L3MBTL4: variants seen among roughly 807,000 people sequenced by gnomAD.
The protein encoded by L3MBTL4 is L3MBTL histone methyl-lysine binding protein 4, also known as lethal(3)malignant brain tumor-like protein 4.
In L3MBTL4, 70 loss-of-function variants were observed where a neutral mutation model predicts 84.5. The ratio of observed to expected loss-of-function variants is 0.83; its 90% CI spans 0.68 to 1.01. The LOEUF (loss-of-function observed/expected upper bound fraction) is 1.01, where lower values mean the gene tolerates loss of function less well. L3MBTL4 is among the 50% of genes least tolerant of loss of function. The pLI, the probability that L3MBTL4 is intolerant of heterozygous loss-of-function variation, is 0.00. For missense variants in L3MBTL4, 715 were observed against 754.8 expected, an observed-to-expected ratio of 0.95 and a Z score of 0.62; for synonymous variants, 274 against 259.8, an observed-to-expected ratio of 1.05 and a Z score of -0.52.
chr18:6,217,812 T>A (rs1430941393), intron 10 of L3MBTL4, among the ~76,000 whole-genome samples: 2 of 152,210 alleles, frequency 1.3e-5, no homozygotes, highest in African/African-American at 2.4e-5. Flanking sequence ...TTATTTTTAC[T>A]AAAAATTATA....
intron 14 of L3MBTL4, among the ~76,000 whole-genome samples, chr18:6,107,017 T>C (rs2059031109): frequency 6.6e-6 from 1 of 152,236 alleles, no homozygotes; most frequent in Non-Finnish European, 1.5e-5. Flanking sequence ...ATTATGTATA[T>C]GTTTAAAAAT....
At chr18:6,030,859 A>G (rs2055762639) in intron 16 of L3MBTL4, 1 of 985,148 alleles carries the variant, frequency 1.0e-6, no homozygotes, top group Non-Finnish European at 1.2e-6. Context: ...ACATACTGAA[A>G]CTGCACTGTA....
At chr18:5,964,212 A>G (rs2052214829) in intron 17 of L3MBTL4, among the ~76,000 whole-genome samples, 1 of 152,242 alleles carries the variant, frequency 6.6e-6, no homozygotes, top group South Asian at 2.1e-4. Context: ...AGTTAATTCT[A>G]AGTATGAGAC....
At chr18:6,083,978 A>G (rs558842897) in intron 15 of L3MBTL4, among the ~76,000 whole-genome samples, 83 of 152,240 alleles carry the variant, frequency 5.5e-4, no homozygotes, top group Non-Finnish European at 9.9e-4. Flanking sequence ...TCCCCTTCAC[A>G]AGACAATACT....
intron 16 of L3MBTL4, among the ~76,000 whole-genome samples, chr18:6,013,943 G>T (rs187536538): frequency 1.3e-5 from 2 of 152,128 alleles, no homozygotes; most frequent in Non-Finnish European, 2.9e-5. Flanking sequence ...AAGTCACTCC[G>T]TTTTCTCATA....
intron 14 of L3MBTL4, among the ~76,000 whole-genome samples, chr18:6,107,393 T>G (rs1183917616): frequency 6.6e-6 from 1 of 152,080 alleles, no homozygotes; most frequent in Non-Finnish European, 1.5e-5. Context: ...TGGGAAAGTG[T>G]CTAGACAACG....
intron 16 of L3MBTL4, among the ~76,000 whole-genome samples, chr18:6,073,372 T>A (rs2146017298): frequency 6.6e-6 from 1 of 152,234 alleles, no homozygotes. Flanking sequence ...GAAGAAATTT[T>A]AAAAATCTAA....
chr18:6,252,910 A>C (rs2047985737), intron 5 of L3MBTL4, among the ~76,000 whole-genome samples: 1 of 152,226 alleles, frequency 6.6e-6, no homozygotes, highest in Non-Finnish European at 1.5e-5. Context: ...CTTAAGCCTT[A>C]AAACCCCCTG....
intron 1 of L3MBTL4, among the ~76,000 whole-genome samples, chr18:6,409,407 T>C (rs760428746): frequency 5.9e-5 from 9 of 152,324 alleles, no homozygotes; most frequent in Middle Eastern, 3.4e-3. Context: ...TACAGAACCA[T>C]TGACCCTTCA....
intron 10 of L3MBTL4, among the ~76,000 whole-genome samples, chr18:6,234,637 G>A (rs1391706706): frequency 2.6e-5 from 4 of 152,216 alleles, no homozygotes; most frequent in Non-Finnish European, 1.5e-5. Context: ...ATGCCAGTTA[G>A]AATGGCGATC....
chr18:6,031,920 C>CA, intron 16 of L3MBTL4: 1 of 786,970 alleles, frequency 1.3e-6, no homozygotes, highest in Non-Finnish European at 1.5e-6. Context: ...TGGTCACCTG[C>CA]ATTGTGTGGT....
intron 1 of L3MBTL4, among the ~76,000 whole-genome samples, chr18:6,398,399 C>A (rs1450256502): frequency 6.6e-6 from 1 of 152,096 alleles, no homozygotes; most frequent in Non-Finnish European, 1.5e-5. Context: ...GTACTGTTTG[C>A]AAGCAGGTGC....
chr18:6,230,570 C>T (rs1238032772), intron 10 of L3MBTL4, among the ~76,000 whole-genome samples: 1 of 152,082 alleles, frequency 6.6e-6, no homozygotes. Flanking sequence ...TATGGAAGAA[C>T]AATTTATATT....
At chr18:6,173,112 G>C (rs1004670992) in intron 12 of L3MBTL4, among the ~76,000 whole-genome samples, 18 of 152,130 alleles carry the variant, frequency 1.2e-4, no homozygotes, top group African/African-American at 4.3e-4. Context: ...TGTTCTACAT[G>C]AATCTGTTAT....
intron 12 of L3MBTL4, among the ~76,000 whole-genome samples, chr18:6,197,027 A>G (rs1228742406): frequency 1.3e-5 from 2 of 152,256 alleles, no homozygotes; most frequent in Non-Finnish European, 2.9e-5. Context: ...GCTTACAGAT[A>G]AAACTAGAAA....
chr18:6,353,306 C>A (rs112898043), intron 1 of L3MBTL4, among the ~76,000 whole-genome samples: 40 of 151,714 alleles, frequency 2.6e-4, no homozygotes, highest in African/African-American at 9.2e-4. Flanking sequence ...TGCTTATTTG[C>A]TGCTCATCAC....
intron 16 of L3MBTL4, among the ~76,000 whole-genome samples, chr18:6,047,368 G>A (rs781698733): frequency 2.6e-5 from 4 of 152,120 alleles, no homozygotes; most frequent in East Asian, 1.9e-4. Context: ...AAAAAATTGA[G>A]GAGGAGAGAC....
chr18:6,042,413 C>G (rs1295059175), intron 16 of L3MBTL4, among the ~76,000 whole-genome samples: 1 of 151,912 alleles, frequency 6.6e-6, no homozygotes, highest in Non-Finnish European at 1.5e-5. Context: ...TCCACACCTG[C>G]CTCCAGTCCT....
chr18:6,410,712 C>T lies in L3MBTL4; in HGVS notation c.-91+4089G>A, dbSNP rs146487361. 6.8e-3 allele frequency among the ~76,000 whole-genome samples: 1,040 copies of T among 152,272 alleles called. 13 individuals are homozygous for T. The highest frequency in any genetic ancestry group is 0.018 in the African/African-American group (765 of 41,542). Reference sequence around the variant, plus strand: ...TGCATGCACTGCTGTTCATCTCCTGCGGTCCCCACCTGATACTTTTCAAAC... The same window carrying T: ...TGCATGCACTGCTGTTCATCTCCTGTGGTCCCCACCTGATACTTTTCAAAC... On this transcript the variant is annotated intron_variant, in intron 1 of 18. Transcript: ENST00000317931.
Sources: gnomAD v4.1 joint callset for allele counts (sites outside exome capture counted in the v4.1 genomes callset) on GRCh38, gnomAD v4.1.1 for gene constraint, MANE v1.5 for transcripts, NCBI Gene and HGNC (gene_info 2026-07-23, HGNC 2026-07-21) for gene names.